Variants in IL5RA observed in about 807,000 individuals in gnomAD.
The protein encoded by IL5RA is interleukin-5 receptor subunit alpha.
In IL5RA, 49 loss-of-function variants were observed where a neutral mutation model predicts 50.0. The ratio of observed to expected loss-of-function variants is 0.98; its 90% CI spans 0.78 to 1.24. The LOEUF is 1.24. Ranked by LOEUF, IL5RA falls within the 50% of genes most tolerant of loss-of-function variation. IL5RA has a pLI of 0.00. For missense variants in IL5RA, 600 were observed against 500.4 expected, an observed-to-expected ratio of 1.20 and a Z score of -1.90; for synonymous variants, 202 against 174.0, an observed-to-expected ratio of 1.16 and a Z score of -1.26.
chr3:3,087,644 A>G (rs892307753), intron 9 of IL5RA, among the ~76,000 whole-genome samples: 31 of 120,130 alleles, frequency 2.6e-4, no homozygotes, highest in South Asian at 8.3e-4. Flanking sequence ...AATGGGGGGG[A>G]AATTAATAAC....
At chr3:3,075,513 T>C (rs1381730723) in intron 10 of IL5RA, among the ~76,000 whole-genome samples, 2 of 152,080 alleles carry the variant, frequency 1.3e-5, no homozygotes, top group Non-Finnish European at 2.9e-5. Flanking sequence ...GAGTTTACTT[T>C]CTTTTCATCT....
chr3:3,091,854 C>A (rs904097022), intron 9 of IL5RA: 2 of 364,182 alleles, frequency 5.5e-6, no homozygotes, highest in Non-Finnish European at 7.9e-6. Flanking sequence ...AAGATGTTAC[C>A]CTTGAGGAAA....
chr3:3,099,511 T>C (rs2125981593), intron 5 of IL5RA, among the ~76,000 whole-genome samples: 1 of 151,846 alleles, frequency 6.6e-6, no homozygotes, highest in East Asian at 1.9e-4. Context: ...TGCCTATAGT[T>C]CCAGCTACTC....
At chr3:3,073,259 T>A (rs1202626890) in intron 11 of IL5RA, among the ~76,000 whole-genome samples, 1 of 152,210 alleles carries the variant, frequency 6.6e-6, no homozygotes, top group Non-Finnish European at 1.5e-5. Context: ...CGCTTTCTTT[T>A]CCCTACAACC....
At position 3,092,075 on chromosome 3, in the gene IL5RA, G is replaced by A. The variant is rs1703139658; in HGVS notation, c.994+149C>T. 7.1e-7 allele frequency: 1 copy of A among 1,414,762 alleles called. No homozygotes were observed. Among genetic ancestry groups the A allele is most frequent in the African/African-American group, 1.4e-5 (1 of 69,300 alleles). 87.6% of individuals were successfully genotyped at this position (1,414,762 alleles called of 1,614,324 possible). A position where few individuals can be genotyped will look rare whatever the true frequency, so the allele number is the denominator to read the frequency against. On this transcript the variant is annotated intron_variant, in intron 9 of 11. Transcript: ENST00000446632. The surrounding 1 kb of genome is among the most constrained non-coding windows in gnomAD (Gnocchi z 4.2). ...CTGGCTTCATGGCAAATCTATTCCT[G>A]ATTGAAAAGGCAGTAGACCGAGAGA...
At chr3:3,104,855 A>G in intron 3 of IL5RA, 48 bp downstream of exon 3, 1 of 1,138,176 alleles carries the variant, frequency 8.8e-7, no homozygotes, top group Non-Finnish European at 1.3e-6. Context: ...CCTTTTACTA[A>G]CATATTTTTA....
intron 9 of IL5RA, among the ~76,000 whole-genome samples, chr3:3,088,406 G>A (rs944128069): frequency 5.9e-5 from 9 of 152,194 alleles, no homozygotes; most frequent in African/African-American, 2.2e-4. Flanking sequence ...TCTGTCCCTT[G>A]CAGTGGTGGC....
intron 9 of IL5RA, among the ~76,000 whole-genome samples, chr3:3,086,023 C>T (rs763546665): frequency 2.0e-5 from 3 of 152,094 alleles, no homozygotes; most frequent in Non-Finnish European, 4.4e-5. Context: ...CCATACATCT[C>T]AAGACTAACG....
At chr3:3,072,433 T>A (rs967899894) in intron 11 of IL5RA, among the ~76,000 whole-genome samples, 4 of 152,222 alleles carry the variant, frequency 2.6e-5, no homozygotes, top group African/African-American at 9.6e-5. Context: ...CTGCCCCAAG[T>A]TGTTATTTTA....
At chr3:3,104,745 G>A (rs975085066) in intron 3 of IL5RA, among the ~76,000 whole-genome samples, 158 bp downstream of exon 3, 2 of 152,148 alleles carry the variant, frequency 1.3e-5, no homozygotes, top group South Asian at 4.2e-4. Context: ...CTTAAAATAT[G>A]GCATGTTTAA....
At chr3:3,076,894 A>C (rs1232048232) in intron 9 of IL5RA, among the ~76,000 whole-genome samples, 2 of 152,252 alleles carry the variant, frequency 1.3e-5, no homozygotes, top group African/African-American at 4.8e-5. Context: ...TTATTCAATC[A>C]ATCAGCAAAT....
At chr3:3,072,659 C>A (rs934197883) in intron 11 of IL5RA, among the ~76,000 whole-genome samples, 3 of 152,222 alleles carry the variant, frequency 2.0e-5, no homozygotes, top group African/African-American at 7.2e-5. Flanking sequence ...GTGGCTCATG[C>A]CTGTAATCCC....
At chr3:3,073,877 C>T in intron 11 of IL5RA, 1 of 426,094 alleles carries the variant, frequency 2.3e-6, no homozygotes, top group South Asian at 1.7e-5. Context: ...AGGCCTTCCA[C>T]AAATGGTCTC....
intron 9 of IL5RA, among the ~76,000 whole-genome samples, chr3:3,085,270 T>C (rs1702808540): frequency 6.6e-6 from 1 of 152,232 alleles, no homozygotes; most frequent in African/African-American, 2.4e-5. Flanking sequence ...CTTGTTACTT[T>C]TAAGCAATTT....
At position 3,102,708 on chromosome 3, in the gene IL5RA, A is replaced by T; in HGVS notation, c.195T>A (p.Tyr65Ter). Reference sequence around the variant, plus strand: ...CTTTTGGAGCGTTTATTTTCACTTGATATTCTAGATTAACATTCCTTTGCT... The same window carrying T: ...CTTTTGGAGCGTTTATTTTCACTTGTTATTCTAGATTAACATTCCTTTGCT... ...DQEQRNVNLEYQVKINAPKED... is the reference protein window; with the variant it reads ...DQEQRNVNLE Residue 65 changes from tyrosine (Y) to a stop codon, truncating the protein, a stop_gained, in exon 4 of 12, where the codon TAT (tyrosine) becomes TAA (stop). Transcript: ENST00000446632. LOFTEE classifies it high-confidence loss of function. The T allele has an allele frequency of 6.2e-7, 1 of 1,605,746 alleles. No homozygotes were observed. Among genetic ancestry groups the T allele is most frequent in the Non-Finnish European group, 8.5e-7 (1 of 1,174,790 alleles).
intron 8 of IL5RA, among the ~76,000 whole-genome samples, chr3:3,094,801 C>G (rs1474149161): frequency 6.6e-6 from 1 of 152,186 alleles, no homozygotes; most frequent in African/African-American, 2.4e-5. Flanking sequence ...CAGCTTACTG[C>G]AACCTCCGCC....
intron 2 of IL5RA, among the ~76,000 whole-genome samples, chr3:3,105,266 A>G (rs1180961102): frequency 6.6e-6 from 1 of 152,196 alleles, no homozygotes; most frequent in East Asian, 1.9e-4. Context: ...AGGAGCAGAG[A>G]CTTCTGATTT....
intron 8 of IL5RA, among the ~76,000 whole-genome samples, chr3:3,093,472 T>A (rs1163156432): frequency 5.9e-5 from 9 of 152,356 alleles, no homozygotes; most frequent in Non-Finnish European, 1.0e-4. Flanking sequence ...CTATATTTAA[T>A]TTTTTCTAGC....
chr3:3,083,658 G>A (rs1377772854), intron 9 of IL5RA, among the ~76,000 whole-genome samples: 1 of 152,148 alleles, frequency 6.6e-6, no homozygotes, highest in Non-Finnish European at 1.5e-5. Context: ...TCCCTATAAG[G>A]GGTTGCTGGG....
Sources: allele counts gnomAD v4.1 joint callset (sites outside exome capture counted in the v4.1 genomes callset), GRCh38; gene constraint gnomAD v4.1.1; non-coding constraint Gnocchi (gnomAD v3.1); transcripts MANE v1.5; gene names NCBI Gene and HGNC (gene_info 2026-07-23, HGNC 2026-07-21).